CCDC7: variants seen among roughly 807,000 people sequenced by gnomAD.
CCDC7 encodes the protein coiled-coil domain-containing protein 7.
A neutral mutation model predicts 196.9 loss-of-function variants in CCDC7; 183 were observed. The observed-to-expected ratio is 0.93, with a 90% confidence interval of 0.82 to 1.05. CCDC7 has a LOEUF of 1.05. Ranked by LOEUF, CCDC7 falls within the 50% of genes least tolerant of loss-of-function variation. CCDC7 has a pLI of 0.00. For missense variants in CCDC7, 1,540 were observed against 1,482.2 expected, an observed-to-expected ratio of 1.04 and a Z score of -0.64; for synonymous variants, 525 against 484.6, an observed-to-expected ratio of 1.08 and a Z score of -1.10.
At chr10:32,725,259 A>G (rs1414550) in intron 25 of CCDC7, 2 of 465,046 alleles carry the variant, frequency 4.3e-6, no homozygotes, top group Non-Finnish European at 8.9e-6. Context: ...CAGTTGCTCT[A>G]TCCTATAATA....
chr10:32,480,006 A>G (rs1276411555), intron 8 of CCDC7, among the ~76,000 whole-genome samples: 1 of 152,148 alleles, frequency 6.6e-6, no homozygotes, highest in Middle Eastern at 3.4e-3. Flanking sequence ...AAATGTTCAC[A>G]GTAGTCTTTA....
chr10:32,682,024 C>T (rs951663559), intron 21 of CCDC7, among the ~76,000 whole-genome samples: 8 of 152,104 alleles, frequency 5.3e-5, no homozygotes, highest in African/African-American at 1.9e-4. Flanking sequence ...TATTATTTTT[C>T]AACTTTTATT....
chr10:32,565,518 AC>A (rs1203504987), intron 13 of CCDC7, 39 bp from the exon 15 acceptor site: 2 of 1,584,112 alleles, frequency 1.3e-6, no homozygotes, highest in Non-Finnish European at 1.7e-6. Context: ...AATTAAAAAT[AC>A]CAAAGTAAAT....
intron 29 of CCDC7, among the ~76,000 whole-genome samples, chr10:32,786,423 C>T (rs2081888364): frequency 6.6e-6 from 1 of 152,136 alleles, no homozygotes; most frequent in Non-Finnish European, 1.5e-5. Context: ...AGAAACCATT[C>T]CTGAGGAAGC....
chr10:32,797,567 T>C (rs77189240), intron 29 of CCDC7, among the ~76,000 whole-genome samples: 23,047 of 151,952 alleles, frequency 0.15, 2,064 homozygotes, highest in African/African-American at 0.26. Context: ...GTGCAGTGTA[T>C]ACTGCTCGTC....
At chr10:32,773,458 C>CT (rs1347377369) in intron 28 of CCDC7, among the ~76,000 whole-genome samples, 1 of 151,624 alleles carries the variant, frequency 6.6e-6, no homozygotes, top group African/African-American at 2.4e-5. Flanking sequence ...TGCTGTTAAG[C>CT]TTTTTTTGAA....
chr10:32,728,511 A>G (rs2083444581), intron 26 of CCDC7, among the ~76,000 whole-genome samples: 2 of 152,170 alleles, frequency 1.3e-5, no homozygotes, highest in African/African-American at 4.8e-5. Flanking sequence ...GAAAATCTCA[A>G]TGGTTTTGAA....
intron 24 of CCDC7, among the ~76,000 whole-genome samples, chr10:32,701,347 T>G (rs537108482): frequency 6.6e-6 from 1 of 151,782 alleles, no homozygotes; most frequent in South Asian, 2.1e-4. Context: ...TGAACCAGCC[T>G]TGCATCCCAG....
intron 18 of CCDC7, among the ~76,000 whole-genome samples, chr10:32,613,227 C>T (rs1236065777): frequency 1.3e-5 from 2 of 152,078 alleles, no homozygotes; most frequent in Non-Finnish European, 2.9e-5. Context: ...TTATAGTATT[C>T]TCTGAGGGTA....
intron 24 of CCDC7, among the ~76,000 whole-genome samples, chr10:32,701,495 C>T (rs984436353): frequency 6.6e-6 from 1 of 152,176 alleles, no homozygotes; most frequent in Non-Finnish European, 1.5e-5. Context: ...GGTTGTGTGT[C>T]TGCCAGGCTT....
At chr10:32,492,222 TATAAAC>T (rs774540584) in intron 9 of CCDC7, among the ~76,000 whole-genome samples, 1 of 152,156 alleles carries the variant, frequency 6.6e-6, no homozygotes, top group Non-Finnish European at 1.5e-5. Flanking sequence ...CATGGAAAGT[TATAAAC>T]ATAGAGAATG....
chr10:32,614,605 C>G (rs991304744), intron 18 of CCDC7, among the ~76,000 whole-genome samples: 2 of 152,142 alleles, frequency 1.3e-5, no homozygotes, highest in Admixed American at 6.6e-5. Context: ...TAGTGTACCT[C>G]TCACCTAAAT....
chr10:32,657,732 C>T (rs1334669714), intron 20 of CCDC7, among the ~76,000 whole-genome samples: 1 of 152,202 alleles, frequency 6.6e-6, no homozygotes, highest in Non-Finnish European at 1.5e-5. Flanking sequence ...ACATTAGCTC[C>T]TCGTTACTTA....
At chr10:32,677,998 G>T (rs1410871635) in intron 21 of CCDC7, among the ~76,000 whole-genome samples, 6 of 151,702 alleles carry the variant, frequency 4.0e-5, no homozygotes, top group African/African-American at 1.2e-4. Context: ...TGCTTTTGAG[G>T]CTATCTATGA....
intron 21 of CCDC7, among the ~76,000 whole-genome samples, chr10:32,676,463 C>G (rs2074993829): frequency 6.6e-6 from 1 of 150,958 alleles, no homozygotes; most frequent in South Asian, 2.1e-4. Context: ...TTTTCGCAAC[C>G]TACTCATCTG....
intron 28 of CCDC7, among the ~76,000 whole-genome samples, chr10:32,763,217 A>G (rs2077728251): frequency 6.6e-6 from 1 of 152,000 alleles, no homozygotes; most frequent in South Asian, 2.1e-4. Flanking sequence ...CTAAATAGAC[A>G]TTTTTTGAAA....
chr10:32,665,788 A>G (rs1425951934), intron 21 of CCDC7, among the ~76,000 whole-genome samples: 1 of 152,000 alleles, frequency 6.6e-6, no homozygotes, highest in African/African-American at 2.4e-5. Flanking sequence ...TAAATTCATA[A>G]CTGATGGGCA....
At position 32,463,009 on chromosome 10, in the gene CCDC7, T is replaced by C. The variant is rs201456400; in HGVS notation, c.478-8T>C. ...TTCTTTTTTTGTCCCTCTTTTGTTT[T>C]CTTAAAGTGGTTTCAGTGGCAGGTC... On this transcript the variant is annotated splice_polypyrimidine_tract_variant and splice_region_variant and intron_variant, in intron 4 of 41. Coordinates refer to ENST00000639629, the Ensembl canonical transcript of CCDC7. 289 of 1,613,642 alleles carry C rather than the reference T, an allele frequency of 1.8e-4. 1 individual carries two copies. In the East Asian group the frequency reaches 6.3e-3, roughly 35 times the overall value.
At chr10:32,791,308 C>A (rs2082666820) in intron 29 of CCDC7, among the ~76,000 whole-genome samples, 1 of 151,608 alleles carries the variant, frequency 6.6e-6, no homozygotes, top group South Asian at 2.1e-4. Flanking sequence ...GTGCAGACCT[C>A]AACACAGGTA....
Sources: gnomAD v4.1 joint callset for allele counts (sites outside exome capture counted in the v4.1 genomes callset) on GRCh38, gnomAD v4.1.1 for gene constraint, MANE v1.5 for transcripts, NCBI Gene and HGNC (gene_info 2026-07-23, HGNC 2026-07-21) for gene names.